The following ADGRA3 variants were observed in gnomAD, a reference collection of about 807,000 sequenced individuals.
ADGRA3 encodes the protein adhesion G protein-coupled receptor A3.
Under a neutral mutation model 119.8 loss-of-function variants are expected in ADGRA3, and 56 were observed. The observed-to-expected ratio is 0.47, with a 90% CI of 0.38 to 0.58. The LOEUF is 0.58. ADGRA3 is among the 20% of genes least tolerant of loss of function. ADGRA3 has a pLI of 0.00. For missense variants in ADGRA3, 1,516 were observed against 1,649.0 expected, an observed-to-expected ratio of 0.92 and a Z score of 1.40; for synonymous variants, 607 against 623.8, an observed-to-expected ratio of 0.97 and a Z score of 0.40.
Position 22,387,376 on chromosome 4 carries a change from G to T in ADGRA3, c.*329C>A. 1 of 203,132 alleles carries T rather than the reference G, an allele frequency of 4.9e-6. No homozygotes were observed. 12.6% of individuals were successfully genotyped at this position (203,132 alleles called of 1,614,324 possible). A position where few individuals can be genotyped will look rare whatever the true frequency, so the allele number is the denominator to read the frequency against. Reference sequence around the variant, plus strand: ...TTGTAAAATATAAAAATAACAGATCGACACAATAACAAACACCTATTTATT... The same window carrying T: ...TTGTAAAATATAAAAATAACAGATCTACACAATAACAAACACCTATTTATT... On this transcript the variant is annotated 3_prime_UTR_variant, in exon 19 of 19. Transcript: ENST00000334304.
intron 10 of ADGRA3, among the ~76,000 whole-genome samples, chr4:22,431,248 A>G (rs1716157648): frequency 1.5e-5 from 1 of 68,592 alleles, no homozygotes; most frequent in African/African-American, 4.2e-5. Context: ...ATCCACCAAC[A>G]GCTTGCACTG....
Position 22,392,721 on chromosome 4 carries a change from A to G in ADGRA3, c.2482-31T>C, listed in dbSNP as rs574645275. On this transcript the variant is annotated intron_variant, in intron 16 of 18. Transcript: ENST00000334304. ...AGGAAGATCAAAGAATAAATAAAAG[A>G]AAAAAAATGTTCCTACTAAGGCTTA... 50 of 1,569,788 alleles carry G rather than the reference A, an allele frequency of 3.2e-5. No homozygotes were observed. In the East Asian group the frequency reaches 1.1e-3, roughly 33 times the overall value.
intron 7 of ADGRA3, among the ~76,000 whole-genome samples, chr4:22,441,620 C>T (rs1430761457): frequency 6.6e-6 from 1 of 152,108 alleles, no homozygotes; most frequent in Non-Finnish European, 1.5e-5. Context: ...GCAAATCATT[C>T]ATAACGTCCA....
At chr4:22,460,860 G>C (rs999354793) in intron 3 of ADGRA3, among the ~76,000 whole-genome samples, 4 of 152,200 alleles carry the variant, frequency 2.6e-5, no homozygotes, top group Non-Finnish European at 5.9e-5. Flanking sequence ...GGCATGGTAA[G>C]TGGCAAGTGC....
intron 11 of ADGRA3, among the ~76,000 whole-genome samples, 169 bp from the exon 12 acceptor site, chr4:22,421,258 G>C (rs1320537529): frequency 7.1e-6 from 1 of 140,190 alleles, no homozygotes; most frequent in Non-Finnish European, 1.6e-5. Context: ...AAAAAAAAAA[G>C]AAAGACAGAC....
In ADGRA3 at chr4:22,487,994, T is replaced by C. The variant is rs1018383516; in HGVS notation, c.258-14151A>G. 1.1e-4 allele frequency among the ~76,000 whole-genome samples: 17 copies of C among 151,936 alleles called. 1 individual carries two copies. The highest frequency in any genetic ancestry group is 4.6e-4 in the Admixed American group (7 of 15,272). ...GGTGCCGGATGTCAGGGTACCCAGATCTGAATCCATGCTGCTACCTGACAC... is the reference window on the plus strand; with the variant it reads ...GGTGCCGGATGTCAGGGTACCCAGACCTGAATCCATGCTGCTACCTGACAC... On this transcript the variant is annotated intron_variant, in intron 1 of 18. Coordinates refer to ENST00000334304, the MANE Select transcript of ADGRA3 (RefSeq NM_145290.4).
intron 7 of ADGRA3, among the ~76,000 whole-genome samples, chr4:22,440,183 C>T (rs74800052): frequency 0.08 from 12,206 of 152,150 alleles, 530 homozygotes; most frequent in Middle Eastern, 0.11. Flanking sequence ...TGGAGTGTTT[C>T]TAGTTTTCTT....
chr4:22,472,537 GTA>G (rs576060828), intron 2 of ADGRA3, among the ~76,000 whole-genome samples: 4 of 150,788 alleles, frequency 2.7e-5, no homozygotes, highest in Non-Finnish European at 5.9e-5. Flanking sequence ...GTGTGTTTCT[GTA>G]TATATATATA....
At chr4:22,394,426 A>G (rs1282927120) in intron 16 of ADGRA3, 3 of 152,362 alleles carry the variant, frequency 2.0e-5, no homozygotes, top group Middle Eastern at 6.8e-3. Flanking sequence ...CATGGTTCCC[A>G]TTAGTTTTGC....
At chr4:22,470,525 T>C (rs1278547965) in intron 2 of ADGRA3, among the ~76,000 whole-genome samples, 1 of 152,188 alleles carries the variant, frequency 6.6e-6, no homozygotes, top group Non-Finnish European at 1.5e-5. Context: ...TTGGCTCCTA[T>C]AATTTCAAGG....
Position 22,424,360 on chromosome 4 carries a change from G to C in ADGRA3, c.1444-8C>G. ...AACCATCACGTCACCTAGCTAGCAG[G>C]GGTTCAGGAGAAAAAAGAAAGATCT... is the stretch of plus-strand genomic sequence containing the variant. On this transcript the variant is annotated splice_polypyrimidine_tract_variant and splice_region_variant and intron_variant, in intron 10 of 18. Coordinates refer to ENST00000334304, the MANE Select transcript of ADGRA3 (RefSeq NM_145290.4). 6.2e-7 allele frequency: 1 copy of C among 1,605,634 alleles called. No individual in the cohort carries two copies. Among genetic ancestry groups the C allele is most frequent in the South Asian group, 1.1e-5 (1 of 90,364 alleles).
chr4:22,413,466 TG>T, intron 13 of ADGRA3, 76 bp from the exon 14 acceptor site: 1 of 1,401,500 alleles, frequency 7.1e-7, no homozygotes, highest in Non-Finnish European at 1.0e-6. Flanking sequence ...TCTACAGTAA[TG>T]GGTACTCTGC....
At chr4:22,414,680 C>A in intron 12 of ADGRA3, 1 of 662,704 alleles carries the variant, frequency 1.5e-6, no homozygotes, top group South Asian at 1.7e-5. Flanking sequence ...ATACTAAGCC[C>A]AAATCCTAAG....
At chr4:22,507,304 T>C (rs1043755020) in intron 1 of ADGRA3, among the ~76,000 whole-genome samples, 2 of 152,156 alleles carry the variant, frequency 1.3e-5, no homozygotes, top group Non-Finnish European at 2.9e-5. Flanking sequence ...TAATCTTTGT[T>C]TATAAGAAAA....
chr4:22,410,683 T>A (rs1560302257), intron 14 of ADGRA3, among the ~76,000 whole-genome samples: 4 of 152,238 alleles, frequency 2.6e-5, no homozygotes, highest in East Asian at 3.9e-4. Context: ...TCTAATTTTT[T>A]AAAAACAATT....
chr4:22,402,635 CA>C, intron 15 of ADGRA3, 39 bp downstream of exon 15: 6 of 1,587,982 alleles, frequency 3.8e-6, no homozygotes, highest in Non-Finnish European at 5.1e-6. Flanking sequence ...TCCTTCAAAT[CA>C]AAGTCCGCAG....
intron 3 of ADGRA3, chr4:22,455,674 C>T: frequency 3.0e-6 from 1 of 330,872 alleles, no homozygotes; most frequent in East Asian, 8.1e-5. Flanking sequence ...TTTGTTCTAT[C>T]CCTCTTTATT....
At chr4:22,405,662 G>C (rs909950259) in intron 14 of ADGRA3, among the ~76,000 whole-genome samples, 1 of 152,060 alleles carries the variant, frequency 6.6e-6, no homozygotes. Context: ...GGGCAACAAT[G>C]ACTGAACAAA....
rs554819487 is a variant in ADGRA3, at chr4:22,431,126, G to A, written c.1443+4185C>T. On this transcript the variant is annotated intron_variant, in intron 10 of 18. Coordinates refer to ENST00000334304, the MANE Select transcript of ADGRA3 (RefSeq NM_145290.4). ...CTCTCATGGAGAACCTCAGCTAGGG[G>A]AGTGCAGAAGGGAAATGTGGGGTCA... is the stretch of plus-strand genomic sequence containing the variant. 2.6e-4 allele frequency among the ~76,000 whole-genome samples: 39 copies of A among 152,294 alleles called. No individual in the cohort carries two copies. The South Asian group carries it at 4.2e-3, about 16-fold the overall frequency.
Sources: allele counts gnomAD v4.1 joint callset (sites outside exome capture counted in the v4.1 genomes callset), GRCh38; gene constraint gnomAD v4.1.1; transcripts MANE v1.5; gene names NCBI Gene and HGNC (gene_info 2026-07-23, HGNC 2026-07-21).